BLK: variants seen among roughly 807,000 people sequenced by gnomAD.
The protein encoded by BLK is tyrosine-protein kinase Blk.
A neutral mutation model predicts 61.8 loss-of-function variants in BLK; 64 were observed. The observed-to-expected ratio is 1.03, with a 90% CI of 0.85 to 1.27. BLK has a LOEUF of 1.27. Among genes scored for constraint, BLK ranks in the 50% most tolerant of loss-of-function variants. The pLI, the probability that BLK is intolerant of heterozygous loss-of-function variation, is 0.00. For synonymous variants in BLK, 351 were observed against 272.0 expected, an observed-to-expected ratio of 1.29 and a Z score of -2.86; for missense variants, 853 against 660.5, an observed-to-expected ratio of 1.29 and a Z score of -3.19.
chr8:11,553,878 C>T (rs1801043392), intron 6 of BLK, among the ~76,000 whole-genome samples: 1 of 152,120 alleles, frequency 6.6e-6, no homozygotes, highest in African/African-American at 2.4e-5. Flanking sequence ...TCAAACAGGA[C>T]CGCGGAAAAC....
intron 1 of BLK, among the ~76,000 whole-genome samples, chr8:11,510,583 C>A (rs891250784): frequency 6.6e-6 from 1 of 151,996 alleles, no homozygotes; most frequent in African/African-American, 2.4e-5. Flanking sequence ...GGGGCTGTGG[C>A]CCCAAAAATG....
At chr8:11,540,041 G>A in intron 1 of BLK, among the ~76,000 whole-genome samples, 1 of 151,932 alleles carries the variant, frequency 6.6e-6, no homozygotes, top group South Asian at 2.1e-4. Flanking sequence ...TATTTTTAAT[G>A]TTTATGAATT....
In BLK at chr8:11,513,402, G is replaced by T. The variant is rs573922675; in HGVS notation, c.-2+18811G>T. Among the ~76,000 whole-genome samples the T allele has an allele frequency of 5.9e-5, 9 of 152,346 alleles. No individual in the cohort carries two copies. In the East Asian group the frequency reaches 1.7e-3, roughly 29 times the overall value. The stretch of plus-strand genomic sequence containing the variant: ...AAACCAGAGCATCATTCCTGATGGA[G>T]CCCTGTGTTACCCCCAGGCTCCTTT... On this transcript the variant is annotated intron_variant, in intron 1 of 12. Transcript: ENST00000259089.
At chr8:11,516,809 G>A (rs1177191495) in intron 1 of BLK, among the ~76,000 whole-genome samples, 1 of 152,138 alleles carries the variant, frequency 6.6e-6, no homozygotes, top group Admixed American at 6.5e-5. Flanking sequence ...AGCCCACACT[G>A]GGCTTATCCA....
chr8:11,539,249 A>G (rs190912430), intron 1 of BLK, among the ~76,000 whole-genome samples: 1 of 152,298 alleles, frequency 6.6e-6, no homozygotes, highest in East Asian at 1.9e-4. Context: ...GTGTTTGCAA[A>G]TATGGGATTC....
intron 8 of BLK, 186 bp from the exon 9 acceptor site, chr8:11,556,472 C>T: frequency 1.4e-6 from 1 of 693,118 alleles, no homozygotes; most frequent in Non-Finnish European, 2.5e-6. Flanking sequence ...CTGCCTGAGG[C>T]CCCATATAGA....
rs536502432 is a variant in BLK at position 11,556,404 on chromosome 8, AG to A, written c.773-252del. 253 of 532,928 alleles carry A rather than the reference AG, an allele frequency of 4.7e-4. 4 individuals are homozygous for A. The South Asian group carries it at 5.0e-3, about 10-fold the overall frequency. The allele number at this position is 532,928 out of a possible 1,614,324, so 33.0% of individuals were successfully genotyped here. A position where few individuals can be genotyped will look rare whatever the true frequency, so the allele number is the denominator to read the frequency against. On this transcript the variant is annotated intron_variant, in intron 8 of 12. Transcript: ENST00000259089. ...GGTTCCGTGCAGGACAGAAGGACAC[AG>A]GCCCAGGGTGTGGGGCAAATAGGTG... is the stretch of plus-strand genomic sequence containing the variant.
At chr8:11,546,284 G>T (rs189954778) in intron 3 of BLK, among the ~76,000 whole-genome samples, 181 bp downstream of exon 3, 1 of 152,204 alleles carries the variant, frequency 6.6e-6, no homozygotes, top group Non-Finnish European at 1.5e-5. Context: ...CCAAGAACAA[G>T]TTTCTTCAGT....
At chr8:11,558,278 C>A (rs372364323) in intron 10 of BLK, among the ~76,000 whole-genome samples, 1 of 152,198 alleles carries the variant, frequency 6.6e-6, no homozygotes, top group Non-Finnish European at 1.5e-5. Context: ...GAGCCTTAGA[C>A]CCGGGCTGCT....
intron 1 of BLK, among the ~76,000 whole-genome samples, chr8:11,515,746 C>T (rs889039455): frequency 1.1e-4 from 16 of 152,330 alleles, no homozygotes; most frequent in Non-Finnish European, 1.5e-4. Context: ...ATATGTGCTG[C>T]GCTGCATGCG....
intron 12 of BLK, 146 bp downstream of exon 12, chr8:11,563,256 G>T (rs1801574472): frequency 8.1e-7 from 1 of 1,229,366 alleles, no homozygotes; most frequent in Non-Finnish European, 1.1e-6. Flanking sequence ...TGGCATCTGG[G>T]GTGGAGCTCT....
intron 2 of BLK, among the ~76,000 whole-genome samples, chr8:11,544,699 C>T (rs1010166646): frequency 6.6e-6 from 1 of 152,120 alleles, no homozygotes; most frequent in Non-Finnish European, 1.5e-5. Context: ...GTAGAGTCAC[C>T]AGAGTTGCCT....
At position 11,548,856 on chromosome 8, in the gene BLK, A is replaced by G. The variant is rs942876624; in HGVS notation, c.270-168A>G. Reference sequence around the variant, plus strand: ...CCCCCTAGAACTTGCCCGGATAGCCACTGTACCACTGAGCAGTGGGCACAA... The same window carrying G: ...CCCCCTAGAACTTGCCCGGATAGCCGCTGTACCACTGAGCAGTGGGCACAA... On this transcript the variant is annotated intron_variant, in intron 4 of 12. Transcript: ENST00000259089. Among the ~76,000 whole-genome samples, 50 of 152,286 alleles carry G rather than the reference A, an allele frequency of 3.3e-4. 1 individual carries two copies. Among genetic ancestry groups the G allele is most frequent in the African/African-American group, 1.2e-3 (48 of 41,552 alleles).
intron 1 of BLK, among the ~76,000 whole-genome samples, chr8:11,508,332 A>T (rs150636687): frequency 1.1e-3 from 169 of 152,324 alleles, no homozygotes; most frequent in African/African-American, 3.9e-3. Flanking sequence ...GGTGAGCTCA[A>T]GCTGTGCTCA....
intron 1 of BLK, among the ~76,000 whole-genome samples, chr8:11,538,902 T>C (rs1029583028): frequency 6.6e-6 from 1 of 152,180 alleles, no homozygotes; most frequent in Non-Finnish European, 1.5e-5. Context: ...CTCCTTTTAT[T>C]TTTCTGCTTG....
chr8:11,529,007 A>C (rs1458969957), intron 1 of BLK, among the ~76,000 whole-genome samples: 1 of 152,204 alleles, frequency 6.6e-6, no homozygotes, highest in Non-Finnish European at 1.5e-5. Flanking sequence ...CCGAATACTT[A>C]GGTGATGGGT....
Position 11,527,575 on chromosome 8 carries a change from G to C in BLK, c.-1-15649G>C, listed in dbSNP as rs189326445. ...AATTAGTCTCCCCAAAGGTGTGAAGGTCAGGACTTTTATGGACAATTTGGT... is the reference window on the plus strand; with the variant it reads ...AATTAGTCTCCCCAAAGGTGTGAAGCTCAGGACTTTTATGGACAATTTGGT... On this transcript the variant is annotated intron_variant, in intron 1 of 12. Coordinates refer to ENST00000259089, the MANE Select transcript of BLK (RefSeq NM_001715.3). 3.3e-3 allele frequency among the ~76,000 whole-genome samples: 500 copies of C among 151,954 alleles called. 1 individual carries two copies. The highest frequency in any genetic ancestry group is 4.7e-3 in the Non-Finnish European group (321 of 67,980).
At chr8:11,544,011 G>A (rs569082209) in intron 2 of BLK, among the ~76,000 whole-genome samples, 1 of 150,844 alleles carries the variant, frequency 6.6e-6, no homozygotes, top group African/African-American at 2.4e-5. Context: ...TGCCCAGGCT[G>A]GAGTGCAGTG....
At chr8:11,539,185 C>G (rs1299069314) in intron 1 of BLK, among the ~76,000 whole-genome samples, 1 of 151,542 alleles carries the variant, frequency 6.6e-6, no homozygotes, top group Non-Finnish European at 1.5e-5. Flanking sequence ...CAGCCTCTTT[C>G]TGTGTAATAT....
Sources: allele counts gnomAD v4.1 joint callset (sites outside exome capture counted in the v4.1 genomes callset), GRCh38; gene constraint gnomAD v4.1.1; transcripts MANE v1.5; gene names NCBI Gene and HGNC (gene_info 2026-07-23, HGNC 2026-07-21).